The following AGTPBP1 variants were observed in gnomAD, a reference collection of about 807,000 sequenced individuals.
AGTPBP1 encodes the protein ATP/GTP binding carboxypeptidase 1, also known as cytosolic carboxypeptidase 1.
In AGTPBP1, 70 loss-of-function variants were observed where a neutral mutation model predicts 143.9. The ratio of observed to expected loss-of-function variants is 0.49; its 90% CI spans 0.40 to 0.59. The LOEUF is 0.59. Among genes scored for constraint, AGTPBP1 ranks in the 20% least tolerant of loss-of-function variants. The probability of loss-of-function intolerance (pLI) is 0.00; values close to 1 mark genes in which losing one functional copy is unlikely to be tolerated. For synonymous variants in AGTPBP1, 463 were observed against 500.2 expected (o/e 0.93, Z 0.99); for missense variants, 1,229 against 1,464.5 (o/e 0.84, Z 2.62).
intron 2 of AGTPBP1, among the ~76,000 whole-genome samples, chr9:85,707,981 G>GT (rs1160710590): frequency 6.6e-6 from 1 of 152,064 alleles, no homozygotes; most frequent in Non-Finnish European, 1.5e-5. Context: ...GTTGATGGGT[G>GT]TAACAAACCA....
At chr9:85,590,958 A>G (rs1828921129) in intron 19 of AGTPBP1, among the ~76,000 whole-genome samples, 1 of 152,188 alleles carries the variant, frequency 6.6e-6, no homozygotes, top group South Asian at 2.1e-4. Context: ...ATATGTAGAT[A>G]ACCATTTTAA....
intron 24 of AGTPBP1, among the ~76,000 whole-genome samples, chr9:85,575,972 CAA>C (rs1374526335): frequency 2.0e-5 from 3 of 151,974 alleles, no homozygotes; most frequent in Non-Finnish European, 4.4e-5. Context: ...AGGTAACTGT[CAA>C]AAAAAGAATC....
intron 14 of AGTPBP1, among the ~76,000 whole-genome samples, chr9:85,625,723 A>T (rs1831232365): frequency 1.3e-5 from 2 of 151,792 alleles, no homozygotes; most frequent in Non-Finnish European, 2.9e-5. Context: ...ATCTCTACTA[A>T]AAATACAAAA....
chr9:85,578,075 C>T (rs1828009414), intron 24 of AGTPBP1, among the ~76,000 whole-genome samples: 6 of 152,084 alleles, frequency 3.9e-5, no homozygotes, highest in Admixed American at 3.3e-4. Context: ...TTTTTCTGTG[C>T]CAAGGCAAGA....
Position 85,586,969 on chromosome 9 carries a change from A to C in AGTPBP1, c.2904-9T>G. The C allele has an allele frequency of 6.2e-7, 1 of 1,613,640 alleles. No individual in the cohort carries two copies. Among genetic ancestry groups the C allele is most frequent in the African/African-American group, 1.3e-5 (1 of 75,036 alleles). ...TTAAAGAACAGCGATGACTACATGT[A>C]CATAAACACAAAGACAGAAAAACAC... On this transcript the variant is annotated splice_polypyrimidine_tract_variant and intron_variant, in intron 21 of 25. Transcript: ENST00000357081.
intron 2 of AGTPBP1, among the ~76,000 whole-genome samples, chr9:85,693,859 A>G (rs931274257): frequency 5.9e-5 from 9 of 152,192 alleles, no homozygotes; most frequent in African/African-American, 2.2e-4. Context: ...AGAAGGTACC[A>G]TTTAAGAACA....
At chr9:85,788,633 T>TACACTTGTATATAA in the AGTPBP1 span, among the ~76,000 whole-genome samples, 1 of 149,644 alleles carries the variant, frequency 6.7e-6, no homozygotes, top group African/African-American at 2.4e-5. Flanking sequence ...TTATAATATA[T>TACACTTGTATATAA]ACACTTGTAT....
At chr9:85,700,552 T>C (rs562040689) in intron 2 of AGTPBP1, among the ~76,000 whole-genome samples, 21 of 152,242 alleles carry the variant, frequency 1.4e-4, no homozygotes, top group Admixed American at 8.5e-4. Flanking sequence ...AACTAAAATA[T>C]ATGTGACCAG....
At chr9:85,563,272 G>T (rs537853857) in intron 25 of AGTPBP1, among the ~76,000 whole-genome samples, 9 of 152,268 alleles carry the variant, frequency 5.9e-5, no homozygotes, top group Non-Finnish European at 1.2e-4. Flanking sequence ...GTATGGAGGT[G>T]CTTGCTACAA....
chr9:85,681,194 C>G (rs559872964), intron 4 of AGTPBP1, 74 bp downstream of exon 4: 2 of 1,314,898 alleles, frequency 1.5e-6, no homozygotes, highest in Non-Finnish European at 2.2e-6. Context: ...TATTTATACA[C>G]ACACATACGC....
the AGTPBP1 span, among the ~76,000 whole-genome samples, chr9:85,781,832 A>G: frequency 6.6e-6 from 1 of 152,202 alleles, no homozygotes; most frequent in Admixed American, 6.5e-5. Context: ...GTTTCCTTGT[A>G]TAATCATATG....
At chr9:85,697,914 C>T (rs1836373057) in intron 2 of AGTPBP1, among the ~76,000 whole-genome samples, 1 of 152,118 alleles carries the variant, frequency 6.6e-6, no homozygotes, top group Non-Finnish European at 1.5e-5. Flanking sequence ...TGATCTGGTT[C>T]TTTTTGGTGA....
At chr9:85,559,772 T>C (rs1008234048) in intron 25 of AGTPBP1, among the ~76,000 whole-genome samples, 2 of 152,150 alleles carry the variant, frequency 1.3e-5, no homozygotes, top group Admixed American at 1.3e-4. Flanking sequence ...CCATATTTGG[T>C]GTAAAAGTGG....
intron 17 of AGTPBP1, among the ~76,000 whole-genome samples, chr9:85,603,225 G>A (rs1210608239): frequency 6.6e-6 from 1 of 152,226 alleles, no homozygotes; most frequent in Non-Finnish European, 1.5e-5. Flanking sequence ...ATCCCAGGAA[G>A]CACAGCTTGT....
intron 25 of AGTPBP1, among the ~76,000 whole-genome samples, chr9:85,573,833 GC>G (rs1300138096): frequency 6.7e-6 from 1 of 149,484 alleles, no homozygotes; most frequent in Non-Finnish European, 1.5e-5. Context: ...CTGCCCGGCC[GC>G]CCCGTCTGAG....
chr9:85,602,763 G>T (rs988147808), intron 17 of AGTPBP1, among the ~76,000 whole-genome samples: 4 of 152,144 alleles, frequency 2.6e-5, no homozygotes, highest in African/African-American at 9.7e-5. Context: ...GCACTGAAGA[G>T]GGTAGGAAAG....
the AGTPBP1 span, among the ~76,000 whole-genome samples, chr9:85,757,986 G>T: frequency 5.3e-5 from 8 of 152,142 alleles, no homozygotes; most frequent in African/African-American, 1.9e-4. Context: ...ATCTAAGAAT[G>T]CTGGCAGCCA....
chr9:85,698,679 CTTTTTTTTTTTTT>C (rs34248388), intron 2 of AGTPBP1, among the ~76,000 whole-genome samples: 2,019 of 76,700 alleles, frequency 0.026, 63 homozygotes, highest in African/African-American at 0.1. Context: ...CCACCTAACC[CTTTTTTTTTTTTT>C]TTTTTTTTTT....
chr9:85,614,738 A>G (rs1383955493), intron 17 of AGTPBP1, among the ~76,000 whole-genome samples: 1 of 152,124 alleles, frequency 6.6e-6, no homozygotes, highest in African/African-American at 2.4e-5. Context: ...ATCAACAAGA[A>G]ACCCCCAAAC....
Sources: gnomAD v4.1 joint callset for allele counts (sites outside exome capture counted in the v4.1 genomes callset) on GRCh38, gnomAD v4.1.1 for gene constraint, MANE v1.5 for transcripts, NCBI Gene and HGNC (gene_info 2026-07-23, HGNC 2026-07-21) for gene names.